Variants in CABIN1 observed in about 807,000 individuals in gnomAD.
The protein encoded by CABIN1 is calcineurin binding protein 1.
Under a neutral mutation model 227.7 loss-of-function variants are expected in CABIN1, and 133 were observed. That is an observed-to-expected ratio of 0.58 (90% CI 0.51 to 0.67). The LOEUF is 0.67. Among genes scored for constraint, CABIN1 ranks in the 30% least tolerant of loss-of-function variants. The pLI is 0.00. For synonymous variants in CABIN1, 1,086 were observed against 1,155.1 expected (o/e 0.94, Z 1.21); for missense variants, 2,408 against 2,852.5 (o/e 0.84, Z 3.55).
intron 6 of CABIN1, among the ~76,000 whole-genome samples, chr22:24,045,758 TCTGGAGG>T (rs1215686423): frequency 1.3e-5 from 2 of 152,242 alleles, no homozygotes; most frequent in African/African-American, 4.8e-5. Context: ...TTCTCTCAGC[TCTGGAGG>T]CTGGAGAGTC....
chr22:24,021,660 A>G (rs1451810933), intron 1 of CABIN1, among the ~76,000 whole-genome samples: 1 of 151,706 alleles, frequency 6.6e-6, no homozygotes, highest in Non-Finnish European at 1.5e-5. Context: ...GTTACTGTTT[A>G]TGTGTCCTTG....
At chr22:24,078,524 TTAGA>T (rs1213527378) in intron 19 of CABIN1, among the ~76,000 whole-genome samples, 2 of 152,190 alleles carry the variant, frequency 1.3e-5, no homozygotes, top group African/African-American at 2.4e-5. Flanking sequence ...GATTATTTTC[TTAGA>T]TAGAATGGAA....
In CABIN1 at chr22:24,054,969, G is replaced by T; in HGVS notation, c.903G>T (p.Ser301=). The change falls in exon 9 of 37, where the codon TCG becomes TCT. Residue 301 remains serine (S), a synonymous_variant. Coordinates refer to ENST00000263119, the MANE Select transcript of CABIN1 (RefSeq NM_012295.4). ...GCCTTGGCAAAAGGATTGATTTGTC[G>T]GACTACCAGGACCCCAGCCAGCCTC... The part of the protein sequence containing the change: ...RPSLGKRIDL[S]DYQDPSQPLE... 1 of 1,614,176 alleles carries T rather than the reference G, an allele frequency of 6.2e-7. No individual in the cohort carries two copies. The highest frequency in any genetic ancestry group is 8.5e-7 in the Non-Finnish European group (1 of 1,180,026).
chr22:24,033,036 C>T (rs1028497907), intron 1 of CABIN1, among the ~76,000 whole-genome samples: 1 of 152,186 alleles, frequency 6.6e-6, no homozygotes, highest in East Asian at 1.9e-4. Context: ...CGAGATCGCG[C>T]CACTGCACTC....
chr22:24,166,505 G>C, intron 31 of CABIN1, 134 bp from the exon 32 acceptor site: 1 of 1,097,038 alleles, frequency 9.1e-7, no homozygotes, highest in Non-Finnish European at 1.4e-6. Flanking sequence ...CACAGCCCTG[G>C]CCAGCTGGCA....
chr22:24,110,720 A>G (rs1291499126), intron 26 of CABIN1, among the ~76,000 whole-genome samples: 1 of 152,184 alleles, frequency 6.6e-6, no homozygotes, highest in Non-Finnish European at 1.5e-5. Context: ...AGCACTTTAA[A>G]GATATTGTCA....
At chr22:24,145,170 T>G (rs2045031054) in intron 29 of CABIN1, among the ~76,000 whole-genome samples, 1 of 152,146 alleles carries the variant, frequency 6.6e-6, no homozygotes, top group African/African-American at 2.4e-5. Flanking sequence ...GACCCTGTTT[T>G]CCTGGGCCAG....
At chr22:24,119,739 G>A in intron 28 of CABIN1, 41 bp downstream of exon 28, 2 of 1,557,972 alleles carry the variant, frequency 1.3e-6, no homozygotes, top group Non-Finnish European at 1.8e-6. Context: ...ATCTTCCCAG[G>A]GCAGCTGGGC....
intron 6 of CABIN1, among the ~76,000 whole-genome samples, chr22:24,046,366 G>A (rs1055994959): frequency 6.6e-6 from 1 of 152,200 alleles, no homozygotes; most frequent in Admixed American, 6.5e-5. Context: ...CACTCGTTCT[G>A]TAGGTTGCCC....
At position 24,136,347 on chromosome 22, in the gene CABIN1, CT is replaced by C. The variant is rs71184947; in HGVS notation, c.4746+1955del. ...CCCACAGTTTACCTAGCCATCCCTC[CT>C]TTTTTTTTTTTTTTTTTTTTTTGAG... On this transcript the variant is annotated intron_variant, in intron 29 of 36. Transcript: ENST00000263119. Among the ~76,000 whole-genome samples the C allele has an allele frequency of 9.4e-3, 1,063 of 113,212 alleles. 2 individuals carry two copies. The highest frequency in any genetic ancestry group is 0.012 in the Non-Finnish European group (693 of 57,074). 74.3% of individuals were successfully genotyped at this position (113,212 alleles called of 152,430 possible). A position where few individuals can be genotyped will look rare whatever the true frequency, so the allele number is the denominator to read the frequency against.
chr22:24,017,681 G>A lies in CABIN1; in HGVS notation c.-75+6314G>A, dbSNP rs536166238. On this transcript the variant is annotated intron_variant, in intron 1 of 36. Transcript: ENST00000263119. ...AATTGCCTTCTTTTTTGTGACATGT[G>A]TCAGGATTACCTTCCTTTTTAAGGC... Among the ~76,000 whole-genome samples, 6 of 152,244 alleles carry A rather than the reference G, an allele frequency of 3.9e-5. No homozygotes were observed. The South Asian group carries it at 1.2e-3, about 32-fold the overall frequency.
At chr22:24,104,416 C>T (rs1184506550) in intron 26 of CABIN1, among the ~76,000 whole-genome samples, 2 of 152,164 alleles carry the variant, frequency 1.3e-5, no homozygotes, top group Non-Finnish European at 2.9e-5. Context: ...ATGAGGCCTC[C>T]GAGCATCAGG....
Position 24,178,551 on chromosome 22 carries a change from A to G in CABIN1, c.*355A>G, listed in dbSNP as rs2047240972. ...GGGATGAGCCGGCTCTGCCTGTGTC[A>G]CAGTGGAGGGGTCCTTTAGGGCCAG... On this transcript the variant is annotated 3_prime_UTR_variant, in exon 37 of 37. Coordinates refer to ENST00000263119, the MANE Select transcript of CABIN1 (RefSeq NM_012295.4). 1 of 350,510 alleles carries G rather than the reference A, an allele frequency of 2.9e-6. No individual in the cohort carries two copies. The highest frequency in any genetic ancestry group is 5.5e-6 in the Non-Finnish European group (1 of 182,110). The allele number at this position is 350,510 out of a possible 1,614,324, so 21.7% of individuals were successfully genotyped here. A position where few individuals can be genotyped will look rare whatever the true frequency, so the allele number is the denominator to read the frequency against.
Position 24,152,779 on chromosome 22 carries a change from A to G in CABIN1, c.4747-11621A>G, listed in dbSNP as rs889304109. Among the ~76,000 whole-genome samples, 4 of 152,152 alleles carry G rather than the reference A, an allele frequency of 2.6e-5. No individual in the cohort carries two copies. The East Asian group carries it at 5.8e-4, about 22-fold the overall frequency. On this transcript the variant is annotated intron_variant, in intron 29 of 36. Coordinates refer to ENST00000263119, the MANE Select transcript of CABIN1 (RefSeq NM_012295.4). ...AGCCTGGCTAACATGGTGAGACCCC[A>G]TCTCTACTAAAAATATAAAAATTAG...
chr22:24,118,730 C>T (rs2043227463), intron 27 of CABIN1, among the ~76,000 whole-genome samples: 1 of 152,222 alleles, frequency 6.6e-6, no homozygotes, highest in Non-Finnish European at 1.5e-5. Flanking sequence ...TCATCCAGGC[C>T]ACTGTCATCA....
intron 3 of CABIN1, 41 bp from the exon 4 acceptor site, chr22:24,038,307 T>A: frequency 6.6e-7 from 1 of 1,525,552 alleles, no homozygotes; most frequent in Non-Finnish European, 9.1e-7. Context: ...AAAAGACAGA[T>A]CTTTATGCTG....
At chr22:24,087,913 T>C (rs1463582141) in intron 23 of CABIN1, among the ~76,000 whole-genome samples, 200 bp downstream of exon 23, 1 of 138,744 alleles carries the variant, frequency 7.2e-6, no homozygotes, top group African/African-American at 3.1e-5. Context: ...ACACCCAGTC[T>C]AGTGTAGACA....
intron 19 of CABIN1, among the ~76,000 whole-genome samples, chr22:24,079,115 A>G (rs1051194892): frequency 2.0e-5 from 3 of 152,160 alleles, no homozygotes; most frequent in African/African-American, 4.8e-5. Context: ...AAAATTCCCA[A>G]CATTATTAAA....
intron 34 of CABIN1, among the ~76,000 whole-genome samples, chr22:24,174,690 G>A (rs1375099467): frequency 6.6e-6 from 1 of 152,152 alleles, no homozygotes; most frequent in Non-Finnish European, 1.5e-5. Flanking sequence ...AGCTCCCTTG[G>A]GGTGTTGGCA....
Sources: gnomAD v4.1 joint callset for allele counts (sites outside exome capture counted in the v4.1 genomes callset) on GRCh38, gnomAD v4.1.1 for gene constraint, MANE v1.5 for transcripts, NCBI Gene and HGNC (gene_info 2026-07-23, HGNC 2026-07-21) for gene names.